The following ALOX15B variants were observed in gnomAD, a reference collection of about 807,000 sequenced individuals.
ALOX15B encodes polyunsaturated fatty acid lipoxygenase ALOX15B.
ALOX15B carries 74 observed loss-of-function variants against 73.8 expected under a neutral mutation model. The observed-to-expected ratio is 1.00, with a 90% CI of 0.83 to 1.22. The LOEUF (loss-of-function observed/expected upper bound fraction) is 1.22. ALOX15B is among the 50% of genes most tolerant of loss of function. ALOX15B has a pLI of 0.00. For synonymous variants in ALOX15B, 353 were observed against 357.2 expected (o/e 0.99, Z 0.13); for missense variants, 896 against 859.9 (o/e 1.04, Z -0.52).
chr17:8,041,162 T>G (rs1384278482), intron 3 of ALOX15B, among the ~76,000 whole-genome samples: 1 of 152,176 alleles, frequency 6.6e-6, no homozygotes, highest in African/African-American at 2.4e-5. Context: ...GACATTGAGA[T>G]CTACTGTGTC....
chr17:8,044,817 CA>C lies in ALOX15B; in HGVS notation c.677-11del. The C allele has an allele frequency of 1.2e-6, 2 of 1,609,110 alleles. No homozygotes were observed. The highest frequency in any genetic ancestry group is 1.7e-6 in the Non-Finnish European group (2 of 1,176,668). ...TGAGTGACCCCGTTCCCCTGTCCCC[CA>C]CCCCCTGCAGAGCACGCATTTGAGC... On this transcript the variant is annotated splice_polypyrimidine_tract_variant and intron_variant, in intron 5 of 13. Transcript: ENST00000380183.
chr17:8,047,404 G>A lies in ALOX15B; in HGVS notation c.1579+25G>A, dbSNP rs376479949. ...GGTACAGGGACCTCAGCCCTCAGGC[G>A]CATTTGAGTGAGCCCATCCCCGTGT... On this transcript the variant is annotated intron_variant, in intron 11 of 13. Transcript: ENST00000380183. 9.6e-5 allele frequency: 155 copies of A among 1,612,514 alleles called. 1 individual carries two copies. Among genetic ancestry groups the A allele is most frequent in the East Asian group, 4.0e-4 (18 of 44,854 alleles).
chr17:8,047,310 G>A lies in ALOX15B; in HGVS notation c.1510G>A (p.Asp504Asn). The A allele has an allele frequency of 6.2e-7, 1 of 1,614,114 alleles. No homozygotes were observed. Among genetic ancestry groups the A allele is most frequent in the South Asian group, 1.1e-5 (1 of 91,082 alleles). ...IYYPSDESVQ[D>N]DRELQAWVRE... ...CTACCCAAGTGATGAGTCTGTCCAA[G>A]ATGACAGAGAGCTCCAGGCCTGGGT... Residue 504 changes from aspartate to asparagine, a missense_variant, in exon 11 of 14, where the codon GAT becomes AAT. Transcript: ENST00000380183.
Position 8,046,971 on chromosome 17 carries a change from A to G in ALOX15B, c.1352A>G (p.Tyr451Cys). The change falls in exon 10 of 14, where the codon TAT (tyrosine) becomes TGT (cysteine). Residue 451 changes from tyrosine (Y) to cysteine (C), a missense_variant. Physicochemically the swap from Tyr to Cys is radical, Grantham distance 194. Coordinates refer to ENST00000380183, the MANE Select transcript of ALOX15B (RefSeq NM_001141.3). ...CAGAGGAACATGAAGCAGCTGAACT[A>G]TTCTCTCCTGTGTCTGCCTGAGGAT... ...LIQRNMKQLNYSLLCLPEDIR... is the reference protein window; with the variant it reads ...LIQRNMKQLNCSLLCLPEDIR... The G allele has an allele frequency of 1.2e-5, 20 of 1,614,086 alleles. No individual in the cohort carries two copies. The highest frequency in any genetic ancestry group is 1.7e-5 in the Non-Finnish European group (20 of 1,180,016).
rs1976661256 is a variant in ALOX15B, at chr17:8,048,022, T to G, written c.1851+107T>G. The G allele has an allele frequency of 4.5e-6, 6 of 1,329,330 alleles. No individual in the cohort carries two copies. In the South Asian group the frequency reaches 8.6e-5, roughly 19 times the overall value. The allele number at this position is 1,329,330 out of a possible 1,614,324, so 82.3% of individuals were successfully genotyped here. A position where few individuals can be genotyped will look rare whatever the true frequency, so the allele number is the denominator to read the frequency against. ...CCCTGCCATCAGGTAGCGGGTCCCT[T>G]TGCCCCACTGACCCTCCAGTGGGAC... On this transcript the variant is annotated intron_variant, in intron 13 of 13. Coordinates refer to ENST00000380183, the MANE Select transcript of ALOX15B (RefSeq NM_001141.3).
At chr17:8,041,025 C>T (rs3934849) in intron 3 of ALOX15B, among the ~76,000 whole-genome samples, 6,907 of 152,308 alleles carry the variant, frequency 0.045, 178 homozygotes, top group African/African-American at 0.062. Context: ...GCTTTTGCTC[C>T]TGGTCTGTGG....
In ALOX15B at chr17:8,039,279, G is replaced by GGCAAGGAGTTCACTGCGGGC. The variant is rs1567968705; in HGVS notation, c.127_146dup (p.Glu50ArgfsTer13). The GGCAAGGAGTTCACTGCGGGC allele has an allele frequency of 6.3e-7, 1 of 1,588,878 alleles. No individual in the cohort carries two copies. The highest frequency in any genetic ancestry group is 8.6e-7 in the Non-Finnish European group (1 of 1,166,368). ...CCCCCCACTGCCCCTGGACAATCTCGGCAAGGAGTTCACTGCGGGCGCTGT... is the reference window on the plus strand; with the variant it reads ...CCCCCCACTGCCCCTGGACAATCTCGGCAAGGAGTTCACTGCGGGCGCAAGGAGTTCACTGCGGGCGCTGT... On this transcript the variant is annotated frameshift_variant, in exon 1 of 14. Coordinates refer to ENST00000380183, the MANE Select transcript of ALOX15B (RefSeq NM_001141.3). LOFTEE classifies it high-confidence loss of function.
At chr17:8,044,762 G>A (rs1049298860) in intron 5 of ALOX15B, 67 bp from the exon 6 acceptor site, 4 of 342,698 alleles carry the variant, frequency 1.2e-5, no homozygotes, top group African/African-American at 6.8e-5. Flanking sequence ...CCCCGTCCCC[G>A]TGTCCCCCAC....
chr17:8,045,688 T>G lies in ALOX15B; in HGVS notation c.1200+2T>G, dbSNP rs762219346. 3 of 1,613,172 alleles carry G rather than the reference T, an allele frequency of 1.9e-6. No individual in the cohort carries two copies. Among genetic ancestry groups the G allele is most frequent in the Non-Finnish European group, 2.5e-6 (3 of 1,179,908 alleles). ...CCCCACTGCCACCCTCTCTTCAAGGTCAGTGGCTTGACAAGGTGGCCCAGC... is the reference window on the plus strand; with the variant it reads ...CCCCACTGCCACCCTCTCTTCAAGGGCAGTGGCTTGACAAGGTGGCCCAGC... On this transcript the variant is annotated splice_donor_variant, in intron 8 of 13. Coordinates refer to ENST00000380183, the MANE Select transcript of ALOX15B (RefSeq NM_001141.3). LOFTEE classifies it high-confidence loss of function.
Position 8,044,933 on chromosome 17 carries a change from T to C in ALOX15B, c.781T>C (p.Phe261Leu), listed in dbSNP as rs563147555. 1 of 1,614,008 alleles carries C rather than the reference T, an allele frequency of 6.2e-7. No homozygotes were observed. Among genetic ancestry groups the C allele is most frequent in the Non-Finnish European group, 8.5e-7 (1 of 1,179,976 alleles). Residue 261 changes from phenylalanine (F) to leucine (L), a missense_variant, in exon 6 of 14, where the codon TTC (phenylalanine) becomes CTC (leucine). Transcript: ENST00000380183. Reference sequence around the variant, plus strand: ...CCGCTGTCACTACCTCCCAAAGAACTTCCCCGTCACTGATGCCATGGTGGC... The same window carrying C: ...CCGCTGTCACTACCTCCCAAAGAACCTCCCCGTCACTGATGCCATGGTGGC... ...IRRCHYLPKN[F>L]PVTDAMVASV...
At position 8,047,775 on chromosome 17, in the gene ALOX15B, C is replaced by T; in HGVS notation, c.1711C>T (p.Pro571Ser). 6.2e-7 allele frequency: 1 copy of T among 1,614,150 alleles called. No homozygotes were observed. Among genetic ancestry groups the T allele is most frequent in the Non-Finnish European group, 8.5e-7 (1 of 1,180,018 alleles). The part of the protein sequence containing the change: ...FDSCAWMPNL[P>S]PSMQLPPPTS... ...CTCCTGTGCTTGGATGCCCAACCTG[C>T]CACCCAGCATGCAGCTGCCACCACC... The change falls in exon 13 of 14, where the codon CCA (proline) becomes TCA (serine). Residue 571 changes from proline to serine, a missense_variant. Coordinates refer to ENST00000380183, the MANE Select transcript of ALOX15B (RefSeq NM_001141.3).
In ALOX15B at chr17:8,039,358, G is replaced by A. The variant is rs769964785; in HGVS notation, c.148-28G>A. Reference sequence around the variant, plus strand: ...TGAAGGGGGCGAGCAGGAGGGTCCGGCCTGACGCATACTTAACCTCCCCTC... The same window carrying A: ...TGAAGGGGGCGAGCAGGAGGGTCCGACCTGACGCATACTTAACCTCCCCTC... On this transcript the variant is annotated intron_variant, in intron 1 of 13. Transcript: ENST00000380183. 8 of 1,603,200 alleles carry A rather than the reference G, an allele frequency of 5.0e-6. No individual in the cohort carries two copies. The South Asian group carries it at 7.8e-5, about 16-fold the overall frequency.
rs1295439223 is a variant in ALOX15B at position 8,048,553 on chromosome 17, C to T, written c.2019C>T (p.Ser673=). Reference sequence around the variant, plus strand: ...TAGACCCTCCCCTCATCGAGAACAGCGTCTCCATCTAAATCCCAGGGGAAC... The same window carrying T: ...TAGACCCTCCCCTCATCGAGAACAGTGTCTCCATCTAAATCCCAGGGGAAC... The part of the protein sequence containing the change: ...TYLDPPLIEN[S]VSI The change falls in exon 14 of 14, where the codon AGC becomes AGT. Residue 673 remains serine, a synonymous_variant. Coordinates refer to ENST00000380183, the MANE Select transcript of ALOX15B (RefSeq NM_001141.3). 4.3e-6 allele frequency: 7 copies of T among 1,613,344 alleles called. No homozygotes were observed. Among genetic ancestry groups the T allele is most frequent in the East Asian group, 2.2e-5 (1 of 44,880 alleles).
intron 8 of ALOX15B, 43 bp from the exon 9 acceptor site, chr17:8,046,625 C>T (rs566168832): frequency 2.5e-6 from 4 of 1,586,100 alleles, no homozygotes; most frequent in East Asian, 2.3e-5. Flanking sequence ...GGGGCCAGAA[C>T]AACCCAGGCC....
chr17:8,047,251 A>G lies in ALOX15B; in HGVS notation c.1458-7A>G, dbSNP rs911364521. The stretch of plus-strand genomic sequence containing the variant: ...GGAGGCTGGACCTGAACCTGGATGC[A>G]TTGCAGCTTTGTCTCTGAAATCATC... On this transcript the variant is annotated splice_region_variant and splice_polypyrimidine_tract_variant and intron_variant, in intron 10 of 13. Transcript: ENST00000380183. The G allele has an allele frequency of 6.8e-6, 11 of 1,613,868 alleles. No individual in the cohort carries two copies. The African/African-American group carries it at 9.4e-5, about 14-fold the overall frequency.
At position 8,040,601 on chromosome 17, in the gene ALOX15B, G is replaced by GAA. The variant is rs1555638442; in HGVS notation, c.449+619_449+620insAA. On this transcript the variant is annotated intron_variant, in intron 3 of 13. Coordinates refer to ENST00000380183, the MANE Select transcript of ALOX15B (RefSeq NM_001141.3). ...GGAAGGAAAGAGAGAAAGAAAGAGA[G>GAA]AGAAAGAAAGAAAGAAAGAAAGAAA... is the stretch of plus-strand genomic sequence containing the variant. 1.3e-3 allele frequency among the ~76,000 whole-genome samples: 142 copies of GAA among 109,526 alleles called. 1 individual carries two copies. Among genetic ancestry groups the GAA allele is most frequent in the African/African-American group, 4.9e-3 (135 of 27,374 alleles). 71.9% of individuals were successfully genotyped at this position (109,526 alleles called of 152,430 possible). A position where few individuals can be genotyped will look rare whatever the true frequency, so the allele number is the denominator to read the frequency against.
chr17:8,040,882 T>A (rs756833361), intron 3 of ALOX15B, among the ~76,000 whole-genome samples: 36 of 151,372 alleles, frequency 2.4e-4, no homozygotes, highest in Non-Finnish European at 4.1e-4. Flanking sequence ...AAACTGGGAC[T>A]TGGAGATAAC....
rs776057927 is a variant in ALOX15B, at chr17:8,045,009, G to A, written c.849+8G>A. 1.9e-6 allele frequency: 3 copies of A among 1,613,952 alleles called. No individual in the cohort carries two copies. In the East Asian group the frequency reaches 6.7e-5, roughly 36 times the overall value. ...TTGCAGGCTGAGCTAGAGGTGAGGGGTGCAGGGATCTTGGCTCTGCACAGT... is the reference window on the plus strand; with the variant it reads ...TTGCAGGCTGAGCTAGAGGTGAGGGATGCAGGGATCTTGGCTCTGCACAGT... On this transcript the variant is annotated splice_region_variant and intron_variant, in intron 6 of 13. Coordinates refer to ENST00000380183, the MANE Select transcript of ALOX15B (RefSeq NM_001141.3).
chr17:8,039,823 C>T (rs1976386003), intron 2 of ALOX15B, 79 bp from the exon 3 acceptor site: 2 of 1,418,736 alleles, frequency 1.4e-6, no homozygotes, highest in Non-Finnish European at 2.0e-6. Context: ...TAGAGGGTGG[C>T]AATCGTGGAG....
Sources: gnomAD v4.1 joint callset for allele counts (sites outside exome capture counted in the v4.1 genomes callset) on GRCh38, gnomAD v4.1.1 for gene constraint, MANE v1.5 for transcripts, NCBI Gene and HGNC (gene_info 2026-07-23, HGNC 2026-07-21) for gene names.